Variants in RORA observed in about 807,000 individuals in gnomAD.
RORA encodes the protein nuclear receptor ROR-alpha.
Under a neutral mutation model 69.5 loss-of-function variants are expected in RORA, and 7 were observed. That is an observed-to-expected ratio of 0.10 (90% confidence interval 0.06 to 0.19). The LOEUF is 0.19. Among genes scored for constraint, RORA ranks in the 10% least tolerant of loss-of-function variants. The pLI is 1.00. For synonymous variants in RORA, 261 were observed against 240.8 expected (o/e 1.08, Z -0.78); for missense variants, 457 against 663.0 (o/e 0.69, Z 3.41).
chr15:61,045,583 C>T (rs1159312917), intron 1 of RORA, among the ~76,000 whole-genome samples: 1 of 152,118 alleles, frequency 6.6e-6, no homozygotes, highest in African/African-American at 2.4e-5. Context: ...GTGCTGGGAT[C>T]ACAAGGTGCC....
chr15:60,911,929 C>T (rs1315724264), intron 1 of RORA, among the ~76,000 whole-genome samples: 1 of 149,806 alleles, frequency 6.7e-6, no homozygotes, highest in African/African-American at 2.5e-5. Flanking sequence ...AGGCTGATCT[C>T]GAACTCCTGA....
intron 1 of RORA, among the ~76,000 whole-genome samples, chr15:61,149,456 C>G (rs1044211241): frequency 1.6e-5 from 2 of 129,008 alleles, no homozygotes; most frequent in African/African-American, 5.2e-5. Flanking sequence ...GAAGTTACTT[C>G]AGCGGTTAAG....
chr15:60,943,666 A>G (rs1892770593), intron 1 of RORA, among the ~76,000 whole-genome samples: 2 of 152,106 alleles, frequency 1.3e-5, no homozygotes, highest in Non-Finnish European at 1.5e-5. Context: ...CTGTAATCCC[A>G]GCACTTTGGG....
At chr15:60,647,222 T>C (rs562713213) in intron 2 of RORA, among the ~76,000 whole-genome samples, 1 of 152,360 alleles carries the variant, frequency 6.6e-6, no homozygotes, top group South Asian at 2.1e-4. Flanking sequence ...TGCTCAGATA[T>C]GCTGTGATGG....
At chr15:60,647,008 A>G (rs1278206433) in intron 2 of RORA, among the ~76,000 whole-genome samples, 1 of 152,202 alleles carries the variant, frequency 6.6e-6, no homozygotes, top group Non-Finnish European at 1.5e-5. Context: ...GGTGTTTATG[A>G]CCTGGAAGAG....
intron 1 of RORA, among the ~76,000 whole-genome samples, chr15:60,837,691 C>T (rs1295218852): frequency 3.3e-5 from 5 of 152,334 alleles, no homozygotes; most frequent in East Asian, 3.9e-4. Context: ...CCATTTCCCC[C>T]GCTAAAGAGC....
intron 2 of RORA, among the ~76,000 whole-genome samples, chr15:60,586,262 T>C (rs1305265596): frequency 6.6e-6 from 1 of 152,220 alleles, no homozygotes; most frequent in Admixed American, 6.5e-5. Flanking sequence ...CTCTTTACTA[T>C]GTGCTGGGTT....
chr15:60,504,164 G>A (rs998570537), intron 6 of RORA, among the ~76,000 whole-genome samples: 2 of 152,188 alleles, frequency 1.3e-5, no homozygotes, highest in South Asian at 4.1e-4. Flanking sequence ...TTTGGGGGAA[G>A]GGAGAAAAGG....
Position 60,497,520 on chromosome 15 carries a change from A to T in RORA, c.1507T>A (p.Phe503Ile). The T allele has an allele frequency of 6.2e-7, 1 of 1,614,128 alleles. No homozygotes were observed. Reference sequence around the variant, plus strand: ...AACAACTCCTTGTATAATGGAGGAAAATGAAGTCGCACAATGTCTGGGTAT... The same window carrying T: ...AACAACTCCTTGTATAATGGAGGAATATGAAGTCGCACAATGTCTGGGTAT... The part of the protein sequence containing the change: ...AIYPDIVRLH[F>I]PPLYKELFTS... Residue 503 changes from phenylalanine to isoleucine, a missense_variant, in exon 11 of 11, where the codon TTT becomes ATT. Phe to Ile is a conservative substitution (Grantham distance 21). Coordinates refer to ENST00000335670, the MANE Select transcript of RORA (RefSeq NM_134261.3).
chr15:60,722,952 C>A (rs955756826), intron 1 of RORA, among the ~76,000 whole-genome samples: 1 of 152,136 alleles, frequency 6.6e-6, no homozygotes, highest in Admixed American at 6.5e-5. Context: ...GAGCATGTTG[C>A]CACTGACCCT....
chr15:60,842,092 G>A (rs2073206529), intron 1 of RORA, among the ~76,000 whole-genome samples: 1 of 151,840 alleles, frequency 6.6e-6, no homozygotes, highest in African/African-American at 2.4e-5. Context: ...CCCATCCCTT[G>A]CTCCTCAGCC....
chr15:60,700,800 T>A (rs715327), intron 1 of RORA, among the ~76,000 whole-genome samples: 3 of 152,166 alleles, frequency 2.0e-5, no homozygotes, highest in Non-Finnish European at 2.9e-5. Flanking sequence ...TAATTCCCAT[T>A]TATCCTTCAA....
intron 1 of RORA, chr15:61,182,797 TATG>T (rs1440015655): frequency 3.9e-5 from 6 of 152,356 alleles, no homozygotes; most frequent in African/African-American, 1.2e-4. Flanking sequence ...ATACCAATGA[TATG>T]ATATGTTAAG....
At chr15:60,861,042 C>A (rs895059419) in intron 1 of RORA, among the ~76,000 whole-genome samples, 1 of 152,130 alleles carries the variant, frequency 6.6e-6, no homozygotes, top group African/African-American at 2.4e-5. Context: ...TTAGGGGTAT[C>A]CTTGACCATC....
intron 1 of RORA, among the ~76,000 whole-genome samples, chr15:60,814,342 T>A (rs1243584534): frequency 2.6e-5 from 4 of 152,170 alleles, no homozygotes; most frequent in Non-Finnish European, 5.9e-5. Flanking sequence ...AGGATGCTGA[T>A]TTTGGGTGGA....
intron 1 of RORA, among the ~76,000 whole-genome samples, chr15:60,942,945 A>G (rs1171543170): frequency 3.9e-5 from 6 of 152,260 alleles, no homozygotes; most frequent in Non-Finnish European, 7.3e-5. Flanking sequence ...ATTGCAGCTC[A>G]CTGAAGGTCA....
intron 1 of RORA, among the ~76,000 whole-genome samples, chr15:61,214,904 C>CG (rs1286091759): frequency 2.3e-5 from 3 of 130,958 alleles, no homozygotes; most frequent in Non-Finnish European, 4.6e-5. Flanking sequence ...CTTGCTGTGT[C>CG]CCCAGGCTGG....
intron 1 of RORA, among the ~76,000 whole-genome samples, chr15:61,141,497 G>T (rs552536798): frequency 6.6e-6 from 1 of 152,230 alleles, no homozygotes; most frequent in East Asian, 1.9e-4. Flanking sequence ...CCACTGACCA[G>T]CATGAGAAAG....
chr15:61,117,896 C>G (rs813017), intron 1 of RORA, among the ~76,000 whole-genome samples: 66,672 of 152,042 alleles, frequency 0.44, 15,498 homozygotes, highest in East Asian at 0.65. Flanking sequence ...GAAAAACATA[C>G]AAAAGAATTA....
Sources: gnomAD v4.1 joint callset for allele counts (sites outside exome capture counted in the v4.1 genomes callset) on GRCh38, gnomAD v4.1.1 for gene constraint, MANE v1.5 for transcripts, NCBI Gene and HGNC (gene_info 2026-07-23, HGNC 2026-07-21) for gene names.